The following SPTAN1 variants were observed in gnomAD, a reference collection of about 807,000 sequenced individuals.
SPTAN1 encodes spectrin alpha, non-erythrocytic 1.
SPTAN1 carries 61 observed loss-of-function variants against 331.3 expected under a neutral mutation model. That is an observed-to-expected ratio of 0.18 (90% confidence interval 0.15 to 0.23). SPTAN1 has a LOEUF of 0.23. Ranked by LOEUF, SPTAN1 falls within the 10% of genes least tolerant of loss-of-function variation. The probability of loss-of-function intolerance (pLI) is 1.00; values close to 1 mark genes in which losing one functional copy is unlikely to be tolerated. For synonymous variants in SPTAN1, 1,153 were observed against 1,173.9 expected, an observed-to-expected ratio of 0.98 and a Z score of 0.36; for missense variants, 2,043 against 3,147.9, an observed-to-expected ratio of 0.65 and a Z score of 8.40.
chr9:128,599,129 C>A, intron 26 of SPTAN1, 143 bp downstream of exon 26: 2 of 861,568 alleles, frequency 2.3e-6, no homozygotes, highest in South Asian at 1.3e-5. Flanking sequence ...GTGGAAAACT[C>A]CAAAAATTGA....
chr9:128,625,938 G>T lies in SPTAN1; in HGVS notation c.6239G>T (p.Arg2080Leu). 1 of 1,614,148 alleles carries T rather than the reference G, an allele frequency of 6.2e-7. No individual in the cohort carries two copies. ...CAGCTTCTGGCCAACTCAGCCGCCCGCAAGAAGAAGCTTCTGGAGGCTCAG... is the reference window on the plus strand; with the variant it reads ...CAGCTTCTGGCCAACTCAGCCGCCCTCAAGAAGAAGCTTCTGGAGGCTCAG... Reference protein sequence around the residue: ...WSQLLANSAARKKKLLEAQSH... With the variant: ...WSQLLANSAALKKKLLEAQSH... Residue 2080 changes from arginine to leucine, a missense_variant, in exon 48 of 57, where the codon CGC (arginine) becomes CTC (leucine). By Grantham distance (102) the Arg-to-Leu change is moderately radical. This residue lies in a region of SPTAN1 where 256 missense variants were observed against 376.4 expected (regional missense o/e 0.68). Coordinates refer to ENST00000372739, the MANE Select transcript of SPTAN1 (RefSeq NM_001130438.3). The surrounding 1 kb of genome is among the most constrained non-coding windows in gnomAD (Gnocchi z 4.1).
Position 128,605,437 on chromosome 9 carries a change from G to A in SPTAN1, c.4006G>A (p.Gly1336Ser). The A allele has an allele frequency of 1.2e-6, 2 of 1,614,158 alleles. No individual in the cohort carries two copies. The highest frequency in any genetic ancestry group is 1.3e-5 in the African/African-American group (1 of 75,038). ...KRADQRKAKL[G>S]DSHDLQRFLS... The stretch of plus-strand genomic sequence containing the variant: ...TGCAGATCAGCGCAAGGCAAAGTTG[G>A]GTGACTCCCACGACCTGCAGCGCTT... The change falls in exon 31 of 57, where the codon GGT becomes AGT. Residue 1336 changes from glycine to serine, a missense_variant. By Grantham distance (56) the Gly-to-Ser change is moderately conservative. Around this residue, in one of 12 missense-constraint regions of SPTAN1, gnomAD observed 179 missense variants for 215.7 expected, o/e 0.83. Coordinates refer to ENST00000372739, the MANE Select transcript of SPTAN1 (RefSeq NM_001130438.3).
intron 1 of SPTAN1, among the ~76,000 whole-genome samples, chr9:128,553,976 A>G (rs12684666): frequency 6.6e-6 from 1 of 152,224 alleles, no homozygotes; most frequent in Non-Finnish European, 1.5e-5. Flanking sequence ...ACACTCAGCT[A>G]TATGAAGCCA....
rs537687332 is a variant in SPTAN1 at position 128,567,276 on chromosome 9, TTTTTG to T, written c.237+319_237+323del. Among the ~76,000 whole-genome samples the T allele has an allele frequency of 3.2e-3, 493 of 152,168 alleles. 3 individuals carry two copies. Among genetic ancestry groups the T allele is most frequent in the African/African-American group, 0.011 (460 of 41,534 alleles). On this transcript the variant is annotated intron_variant, in intron 2 of 56. Coordinates refer to ENST00000372739, the MANE Select transcript of SPTAN1 (RefSeq NM_001130438.3). ...CTGGGTTAATCTCTTGGAATGAGGT[TTTTTG>T]TTTTGTTTTGTTTTGTTTTTGTTTT...
At chr9:128,566,269 C>T (rs1181152206) in intron 1 of SPTAN1, among the ~76,000 whole-genome samples, 1 of 152,088 alleles carries the variant, frequency 6.6e-6, no homozygotes, top group Non-Finnish European at 1.5e-5. Context: ...TGTTGCCCAG[C>T]TGCTCTCGAA....
intron 48 of SPTAN1, 78 bp downstream of exon 48, chr9:128,626,056 C>A: frequency 6.5e-7 from 1 of 1,543,456 alleles, no homozygotes. Flanking sequence ...CCCAGCTCTG[C>A]CACTCCCCCT....
chr9:128,587,117 G>A (rs1564234816), intron 19 of SPTAN1, among the ~76,000 whole-genome samples: 3 of 150,990 alleles, frequency 2.0e-5, no homozygotes, highest in African/African-American at 7.3e-5. Flanking sequence ...CACCGCGCTC[G>A]TTCTGTCGCT....
chr9:128,618,024 A>C lies in SPTAN1; in HGVS notation c.5516A>C (p.Asn1839Thr). The C allele has an allele frequency of 6.2e-7, 1 of 1,614,104 alleles. No homozygotes were observed. The highest frequency in any genetic ancestry group is 8.5e-7 in the Non-Finnish European group (1 of 1,180,000). The change falls in exon 43 of 57, where the codon AAC (asparagine) becomes ACC (threonine). Residue 1839 changes from asparagine to threonine, a missense_variant. Physicochemically the swap from Asn to Thr is moderately conservative, Grantham distance 65. Around this residue, in one of 12 missense-constraint regions of SPTAN1, gnomAD observed 323 missense variants for 581.1 expected, o/e 0.56. Transcript: ENST00000372739. ...LDTGKKLSDD[N>T]TIGKEEIQQR... ...ACTGGCAAGAAGCTGTCCGATGACA[A>C]CACCATCGGGAAAGAGGAGATCCAG... is the stretch of plus-strand genomic sequence containing the variant.
At chr9:128,582,047 T>C (rs778125604) in intron 12 of SPTAN1, 155 bp downstream of exon 12, 18 of 686,896 alleles carry the variant, frequency 2.6e-5, no homozygotes, top group Admixed American at 4.5e-5. Context: ...GCTATCTCGT[T>C]GAAGACATAA....
In SPTAN1 at chr9:128,583,151, A is replaced by C. The variant is rs761056993; in HGVS notation, c.1881A>C (p.Arg627=). The change falls in exon 15 of 57, where the codon CGA becomes CGC. Residue 627 remains arginine, a synonymous_variant. Transcript: ENST00000372739. ...CTGAGCTCTCAGCAAACCAGAGCCG[A>C]ATTGATGCCTTGGAGAAAGCTGGCC... ...FEAELSANQS[R]IDALEKAGQK... 6.2e-7 allele frequency: 1 copy of C among 1,614,150 alleles called. No homozygotes were observed. Among genetic ancestry groups the C allele is most frequent in the Admixed American group, 1.7e-5 (1 of 60,010 alleles).
At chr9:128,614,072 A>C (rs990718714) in intron 40 of SPTAN1, among the ~76,000 whole-genome samples, 1 of 152,082 alleles carries the variant, frequency 6.6e-6, no homozygotes, top group Non-Finnish European at 1.5e-5. Flanking sequence ...AGTTTTACAC[A>C]GGTAGGTAGG....
chr9:128,561,662 C>CGAAAAAAAAAAAAA (rs1849371809), intron 1 of SPTAN1, among the ~76,000 whole-genome samples: 1 of 15,986 alleles, frequency 6.3e-5, no homozygotes, highest in Non-Finnish European at 1.3e-4. Context: ...GACTCCGTCT[C>CGAAAAAAAAAAAAA]AAAAAAAAAA....
intron 11 of SPTAN1, among the ~76,000 whole-genome samples, chr9:128,581,440 TC>T (rs1307562321): frequency 2.7e-5 from 4 of 146,018 alleles, no homozygotes; most frequent in South Asian, 4.3e-4. Flanking sequence ...ACCACCGCAC[TC>T]TAGCCTGTGC....
In SPTAN1 at chr9:128,592,971, C is replaced by T; in HGVS notation, c.3156-12C>T. ...AATTCGTGCATGCTTTTGCTGTGCC[C>T]CCTCTGTGCAGGACACGCATAACTA... On this transcript the variant is annotated splice_polypyrimidine_tract_variant and intron_variant, in intron 22 of 56. Transcript: ENST00000372739. The T allele has an allele frequency of 1.9e-6, 3 of 1,603,318 alleles. No individual in the cohort carries two copies. The highest frequency in any genetic ancestry group is 2.6e-6 in the Non-Finnish European group (3 of 1,174,252).
intron 2 of SPTAN1, among the ~76,000 whole-genome samples, chr9:128,567,457 A>T (rs1369313883): frequency 6.6e-6 from 1 of 151,740 alleles, no homozygotes; most frequent in Non-Finnish European, 1.5e-5. Flanking sequence ...GTGCCCAGCT[A>T]ATTTTTGTAT....
rs745529207 is a variant in SPTAN1, at chr9:128,605,448, C to T, written c.4017C>T (p.His1339=). The change falls in exon 31 of 57, where the codon CAC becomes CAT. Residue 1339 remains histidine, a synonymous_variant. Coordinates refer to ENST00000372739, the MANE Select transcript of SPTAN1 (RefSeq NM_001130438.3). ...GCAAGGCAAAGTTGGGTGACTCCCA[C>T]GACCTGCAGCGCTTCCTTAGCGATT... ...DQRKAKLGDS[H]DLQRFLSDFR... The T allele has an allele frequency of 8.1e-6, 13 of 1,614,054 alleles. No individual in the cohort carries two copies. Among genetic ancestry groups the T allele is most frequent in the African/African-American group, 8.0e-5 (6 of 74,924 alleles).
chr9:128,598,344 C>T, intron 24 of SPTAN1, 56 bp from the exon 25 acceptor site: 1 of 1,334,548 alleles, frequency 7.5e-7, no homozygotes, highest in African/African-American at 1.4e-5. Context: ...GACTATGTCT[C>T]CTTTGACTTT....
In SPTAN1 at chr9:128,585,907, G is replaced by A. The variant is rs780303413; in HGVS notation, c.2720G>A (p.Arg907Gln). 3.7e-6 allele frequency: 6 copies of A among 1,613,570 alleles called. No homozygotes were observed. The highest frequency in any genetic ancestry group is 2.7e-5 in the African/African-American group (2 of 74,846). Residue 907 changes from arginine (R) to glutamine (Q), a missense_variant, in exon 19 of 57, where the codon CGG (arginine) becomes CAG (glutamine). This residue lies in a region of SPTAN1 where 1,038 missense variants were observed against 1,531.5 expected (regional missense o/e 0.68). Transcript: ENST00000372739. Reference sequence around the variant, plus strand: ...GCTAACGAGGCTGAATCCTGGATGCGGGAGAAGGAACCCATTGTGGGCAGC... The same window carrying A: ...GCTAACGAGGCTGAATCCTGGATGCAGGAGAAGGAACCCATTGTGGGCAGC... ...ADANEAESWM[R>Q]EKEPIVGSTD...
At chr9:128,589,344 A>G (rs1447370209) in intron 21 of SPTAN1, among the ~76,000 whole-genome samples, 1 of 140,492 alleles carries the variant, frequency 7.1e-6, no homozygotes, top group African/African-American at 2.7e-5. Context: ...GCTAGAGTGC[A>G]GTGGCACGAT....
Sources: allele counts gnomAD v4.1 joint callset (sites outside exome capture counted in the v4.1 genomes callset), GRCh38; gene constraint gnomAD v4.1.1; regional missense constraint gnomAD v4.1.1; non-coding constraint Gnocchi (gnomAD v3.1); transcripts MANE v1.5; gene names NCBI Gene and HGNC (gene_info 2026-07-23, HGNC 2026-07-21).